Variants in SMCHD1 observed in about 807,000 individuals in gnomAD.
SMCHD1 encodes structural maintenance of chromosomes flexible hinge domain-containing protein 1.
Under a neutral mutation model 254.7 loss-of-function variants are expected in SMCHD1, and 78 were observed. The ratio of observed to expected loss-of-function variants is 0.31; its 90% CI spans 0.26 to 0.37. SMCHD1 has a LOEUF of 0.37. Ranked by LOEUF, SMCHD1 falls within the 10% of genes least tolerant of loss-of-function variation. SMCHD1 has a pLI of 1.00. For missense variants in SMCHD1, 1,840 were observed against 2,408.1 expected (o/e 0.76, Z 4.94); for synonymous variants, 766 against 794.9 (o/e 0.96, Z 0.61).
chr18:2,695,518 C>A (rs1035989090), intron 8 of SMCHD1, among the ~76,000 whole-genome samples: 1 of 152,086 alleles, frequency 6.6e-6, no homozygotes, highest in Non-Finnish European at 1.5e-5. Context: ...CCGTGTTGGC[C>A]AGGCTGGTCT....
At position 2,666,191 on chromosome 18, in the gene SMCHD1, T is replaced by C; in HGVS notation, c.221T>C (p.Ile74Thr). ...LGISPEEKFV[I>T]TTTSRKEITC... The stretch of plus-strand genomic sequence containing the variant: ...ATTTCACCTGAAGAAAAATTTGTTA[T>C]TACAACAACAAGTAGGAAAGAAATT... The change falls in exon 2 of 48, where the codon ATT becomes ACT. Residue 74 changes from isoleucine to threonine, a missense_variant. Coordinates refer to ENST00000320876, the MANE Select transcript of SMCHD1 (RefSeq NM_015295.3). 6.4e-7 allele frequency: 1 copy of C among 1,561,230 alleles called. No individual in the cohort carries two copies.
chr18:2,656,330 T>C (rs1332332179), intron 1 of SMCHD1, 69 bp downstream of exon 1: 70 of 1,325,816 alleles, frequency 5.3e-5, no homozygotes, highest in Non-Finnish European at 6.3e-5. Flanking sequence ...GAAACTCAAC[T>C]TGCTCACTGA....
intron 40 of SMCHD1, 143 bp downstream of exon 40, chr18:2,771,761 T>C: frequency 1.6e-6 from 1 of 610,408 alleles, no homozygotes; most frequent in Non-Finnish European, 2.6e-6. Flanking sequence ...ACATTAAAAA[T>C]GACTAACAAA....
In SMCHD1 at chr18:2,655,840, A is replaced by G; in HGVS notation, c.-236A>G. On this transcript the variant is annotated 5_prime_UTR_variant, in exon 1 of 48. Transcript: ENST00000320876. ...CGCCGCGCGTCCCCTTCTCCTCAGG[A>G]GTGGCGGGCCGCGGAAGTGACGTGG... The G allele has an allele frequency of 5.9e-6, 2 of 341,552 alleles. No individual in the cohort carries two copies. Among genetic ancestry groups the G allele is most frequent in the Non-Finnish European group, 1.1e-5 (2 of 189,992 alleles). 21.2% of individuals were successfully genotyped at this position (341,552 alleles called of 1,614,324 possible). A position where few individuals can be genotyped will look rare whatever the true frequency, so the allele number is the denominator to read the frequency against.
intron 17 of SMCHD1, among the ~76,000 whole-genome samples, chr18:2,709,230 G>GTGTGTA (rs2074608584): frequency 1.6e-5 from 1 of 61,824 alleles, no homozygotes; most frequent in Non-Finnish European, 3.8e-5. Context: ...ATGTGTATAT[G>GTGTGTA]TGTATATATA....
rs57180698 is a variant in SMCHD1, at chr18:2,785,670, A to AAAAAAAAAAAAG, written c.5719+1050_5719+1051insAAAAAAAAAAGA. ...CTCAAAAAAAAAAAAAAAAAAAAAAAACAGTTCATTGGTGTTAAGTGCATT... is the reference window on the plus strand; with the variant it reads ...CTCAAAAAAAAAAAAAAAAAAAAAAAAAAAAAAAAAAGACAGTTCATTGGTGTTAAGTGCATT... On this transcript the variant is annotated intron_variant, in intron 45 of 47. Transcript: ENST00000320876. Among the ~76,000 whole-genome samples, 75 of 97,956 alleles carry AAAAAAAAAAAAG rather than the reference A, an allele frequency of 7.7e-4. 13 individuals are homozygous for AAAAAAAAAAAAG. The highest frequency in any genetic ancestry group is 1.1e-3 in the South Asian group (3 of 2,682). 64.3% of individuals were successfully genotyped at this position (97,956 alleles called of 152,430 possible).
At chr18:2,789,316 A>G (rs1329181769) in intron 45 of SMCHD1, among the ~76,000 whole-genome samples, 4 of 151,898 alleles carry the variant, frequency 2.6e-5, no homozygotes, top group Admixed American at 2.0e-4. Context: ...GCTAGGGATT[A>G]CAGGTGTAAG....
chr18:2,749,916 A>G (rs181956792), intron 30 of SMCHD1, 127 bp from the exon 31 acceptor site: 1 of 775,698 alleles, frequency 1.3e-6, no homozygotes, highest in East Asian at 2.7e-5. Flanking sequence ...TAAAATTTAG[A>G]TTTTAGAAGT....
chr18:2,744,947 G>A (rs958210901), intron 29 of SMCHD1, among the ~76,000 whole-genome samples: 18 of 152,130 alleles, frequency 1.2e-4, no homozygotes, highest in Non-Finnish European at 1.9e-4. Flanking sequence ...GGGTTCAAGC[G>A]ATTATCCTGC....
Position 2,669,139 on chromosome 18 carries a change from A to G in SMCHD1, c.424+2108A>G, listed in dbSNP as rs571303007. Among the ~76,000 whole-genome samples, 3 of 146,604 alleles carry G rather than the reference A, an allele frequency of 2.0e-5. No individual in the cohort carries two copies. In the South Asian group the frequency reaches 6.7e-4, roughly 33 times the overall value. On this transcript the variant is annotated intron_variant, in intron 3 of 47. Transcript: ENST00000320876. ...GGCAGGAAGATCACTTGAGACCAGG[A>G]CTTTAGGACCGGCCTGGGGGACATG...
intron 24 of SMCHD1, among the ~76,000 whole-genome samples, chr18:2,730,629 G>C (rs2143472899): frequency 6.6e-6 from 1 of 152,250 alleles, no homozygotes; most frequent in African/African-American, 2.4e-5. Context: ...TTGCTGAGTA[G>C]GGTAACAGAT....
rs147315779 is a variant in SMCHD1 at position 2,667,792 on chromosome 18, T to C, written c.424+761T>C. Among the ~76,000 whole-genome samples, 769 of 152,340 alleles carry C rather than the reference T, an allele frequency of 5.0e-3. 4 individuals carry two copies. Among genetic ancestry groups the C allele is most frequent in the African/African-American group, 0.017 (697 of 41,578 alleles). ...ATACTTCTTTAACCTACATTTTGTT[T>C]AAAAATAAAGTGAACATCTTTTAAT... On this transcript the variant is annotated intron_variant, in intron 3 of 47. Transcript: ENST00000320876.
intron 23 of SMCHD1, 133 bp downstream of exon 23, chr18:2,728,729 C>G: frequency 1.1e-6 from 1 of 893,724 alleles, no homozygotes; most frequent in Admixed American, 4.3e-5. Flanking sequence ...TTTGTGGGAT[C>G]TTATTGCCAA....
intron 1 of SMCHD1, among the ~76,000 whole-genome samples, chr18:2,662,667 C>CAAAAAAAAAAAAAAAAAAAAAAAACAAA (rs745838636): frequency 2.8e-5 from 1 of 35,684 alleles, no homozygotes; most frequent in African/African-American, 1.2e-4. Flanking sequence ...AACAAAAAAC[C>CAAAAAAAAAAAAAAAAAAAAAAAACAAA]AAAAAAAAAA....
At chr18:2,736,840 G>C (rs1307844075) in intron 25 of SMCHD1, among the ~76,000 whole-genome samples, 1 of 152,176 alleles carries the variant, frequency 6.6e-6, no homozygotes, top group African/African-American at 2.4e-5. Flanking sequence ...GAGCAGTTTG[G>C]AGATTTCTCA....
At position 2,804,876 on chromosome 18, in the gene SMCHD1, A is replaced by G. The variant is rs1192556625; in HGVS notation, c.*2324A>G. On this transcript the variant is annotated 3_prime_UTR_variant, in exon 48 of 48. Coordinates refer to ENST00000320876, the MANE Select transcript of SMCHD1 (RefSeq NM_015295.3). ...ATGCTACAGCCATTTATCCTGTGTT[A>G]TGTGTTATATAATCTGAAATTTGTC... 6.6e-6 allele frequency: 1 copy of G among 152,206 alleles called. No individual in the cohort carries two copies. Among genetic ancestry groups the G allele is most frequent in the Non-Finnish European group, 1.5e-5 (1 of 68,026 alleles). The allele number at this position is 152,206 out of a possible 1,614,324, so 9.4% of individuals were successfully genotyped here. A position where few individuals can be genotyped will look rare whatever the true frequency, so the allele number is the denominator to read the frequency against.
chr18:2,738,067 G>C (rs1407920231), intron 25 of SMCHD1, among the ~76,000 whole-genome samples: 3 of 151,902 alleles, frequency 2.0e-5, no homozygotes, highest in Non-Finnish European at 4.4e-5. Context: ...ATTGAATATT[G>C]CTTTTCAGAA....
intron 34 of SMCHD1, among the ~76,000 whole-genome samples, chr18:2,759,324 T>G (rs1451514232): frequency 6.6e-6 from 1 of 152,144 alleles, no homozygotes; most frequent in Non-Finnish European, 1.5e-5. Flanking sequence ...AAGTTGCATT[T>G]CTTTTGCAAG....
chr18:2,783,993 A>G (rs1023738016), intron 44 of SMCHD1, among the ~76,000 whole-genome samples: 8 of 152,212 alleles, frequency 5.3e-5, no homozygotes, highest in Admixed American at 1.3e-4. Context: ...ACCTAAAACC[A>G]TAGTATTATC....
Sources: gnomAD v4.1 joint callset for allele counts (sites outside exome capture counted in the v4.1 genomes callset) on GRCh38, gnomAD v4.1.1 for gene constraint, MANE v1.5 for transcripts, NCBI Gene and HGNC (gene_info 2026-07-23, HGNC 2026-07-21) for gene names.